Variants in SPINK9 observed in about 807,000 individuals in gnomAD.
SPINK9 encodes serine peptidase inhibitor Kazal type 9.
A neutral mutation model predicts 10.8 loss-of-function variants in SPINK9; 3 were observed. The observed-to-expected ratio is 0.28, with a 90% CI of 0.13 to 0.72. The LOEUF is 0.72. Among genes scored for constraint, SPINK9 ranks in the 30% least tolerant of loss-of-function variants. The pLI is 0.74. For synonymous variants in SPINK9, 30 were observed against 31.2 expected (o/e 0.96, Z 0.12); for missense variants, 101 against 103.2 (o/e 0.98, Z 0.09).
chr5:148,322,472 C>G (rs559889416), intron 1 of SPINK9, among the ~76,000 whole-genome samples: 1 of 152,282 alleles, frequency 6.6e-6, no homozygotes, highest in South Asian at 2.1e-4. Flanking sequence ...GATGGAAACA[C>G]TGAGCTCCAA....
At chr5:148,326,119 A>C (rs369483435) in intron 2 of SPINK9, among the ~76,000 whole-genome samples, 1 of 152,214 alleles carries the variant, frequency 6.6e-6, no homozygotes, top group African/African-American at 2.4e-5. Context: ...GAAGACATAC[A>C]AATGGTCAAC....
In SPINK9 at chr5:148,324,936, C is replaced by A. The variant is rs961047120; in HGVS notation, c.118+1068C>A. ...TTCCCTTAGCAGTCACTCCTATCTA[C>A]CCCCCTACTATCCTCCCAACCCCTG... On this transcript the variant is annotated intron_variant, in intron 2 of 4. Coordinates refer to the SPINK9 transcript ENST00000511717. Among the ~76,000 whole-genome samples, 3 of 152,106 alleles carry A rather than the reference C, an allele frequency of 2.0e-5. No individual in the cohort carries two copies. The East Asian group carries it at 5.8e-4, about 29-fold the overall frequency.
intron 1 of SPINK9, among the ~76,000 whole-genome samples, chr5:148,321,728 T>C (rs1447213610): frequency 6.6e-6 from 1 of 152,180 alleles, no homozygotes; most frequent in East Asian, 1.9e-4. Context: ...AAATCAGTTT[T>C]GAGAAAGCAT....
chr5:148,323,802 A>C (rs748496910), exon 2 of SPINK9: 1 of 701,504 alleles, frequency 1.4e-6, no homozygotes. Flanking sequence ...AACTCCACCA[A>C]GCAGCTCAGG....
chr5:148,328,015 T>G (rs202118622), intron 2 of SPINK9, among the ~76,000 whole-genome samples: 3,390 of 151,698 alleles, frequency 0.022, 128 homozygotes, highest in East Asian at 0.17. Flanking sequence ...ATATGAACTT[T>G]AAAGTAGTTT....
At chr5:148,335,524 G>T, upstream of SPINK9, 1 of 1,188,216 alleles carries the variant, frequency 8.4e-7, no homozygotes. Context: ...AGGAATTCTT[G>T]AAAATATATA....
rs1581191830 is a variant in SPINK9 at position 148,339,767 on chromosome 5, T to C, written c.*55T>C. 2.8e-6 allele frequency: 4 copies of C among 1,454,072 alleles called. No individual in the cohort carries two copies. In the African/African-American group the frequency reaches 4.2e-5, roughly 15 times the overall value. The allele number at this position is 1,454,072 out of a possible 1,614,324, so 90.1% of individuals were successfully genotyped here. A position where few individuals can be genotyped will look rare whatever the true frequency, so the allele number is the denominator to read the frequency against. On this transcript the variant is annotated 3_prime_UTR_variant, in exon 4 of 4. Transcript: ENST00000377906. ...AATGCATCTATTCACAAGAGTCACA[T>C]TTCTGTTCCCATATTATCTATGCCA...
intron 2 of SPINK9, among the ~76,000 whole-genome samples, chr5:148,324,676 T>C (rs1355815609): frequency 6.6e-6 from 1 of 151,944 alleles, no homozygotes; most frequent in African/African-American, 2.4e-5. Context: ...TGAAGAAGAC[T>C]GAAGAACATG....
chr5:148,337,276 C>A (rs1453280894), intron 2 of SPINK9, among the ~76,000 whole-genome samples: 1 of 152,144 alleles, frequency 6.6e-6, no homozygotes, highest in Non-Finnish European at 1.5e-5. Context: ...ATATACTTAT[C>A]ATCAGGCACT....
intron 2 of SPINK9, among the ~76,000 whole-genome samples, chr5:148,324,117 C>G (rs1757029624): frequency 1.3e-5 from 2 of 152,112 alleles, no homozygotes; most frequent in South Asian, 4.1e-4. Flanking sequence ...TTGCAACATG[C>G]ATGGCATATT....
At chr5:148,321,443 T>G (rs1756998382) in intron 1 of SPINK9, 1 of 151,584 alleles carries the variant, frequency 6.6e-6, no homozygotes, top group Non-Finnish European at 1.5e-5. Context: ...AACATTTTAA[T>G]GAGAATTTCT....
At chr5:148,326,059 A>G (rs765762627) in intron 2 of SPINK9, among the ~76,000 whole-genome samples, 1 of 152,166 alleles carries the variant, frequency 6.6e-6, no homozygotes, top group African/African-American at 2.4e-5. Context: ...ATTCAGTGAC[A>G]AAAAAACTAT....
intron 2 of SPINK9, among the ~76,000 whole-genome samples, chr5:148,330,496 T>G (rs6580544): frequency 3.3e-5 from 5 of 151,940 alleles, no homozygotes; most frequent in African/African-American, 1.2e-4. Context: ...GAGTATTTAG[T>G]CCATTTACAT....
At chr5:148,336,557 T>C (rs1483454024) in intron 2 of SPINK9, 104 bp downstream of exon 2, 2 of 1,252,956 alleles carry the variant, frequency 1.6e-6, no homozygotes, top group Non-Finnish European at 2.3e-6. Context: ...GAATATTTAC[T>C]TTATGTGTAT....
intron 2 of SPINK9, among the ~76,000 whole-genome samples, chr5:148,325,693 T>G (rs1487077759): frequency 6.6e-6 from 1 of 152,194 alleles, no homozygotes; most frequent in East Asian, 1.9e-4. Flanking sequence ...TCTCTCATTC[T>G]GTGAGCTGTC....
chr5:148,327,698 G>A (rs1325391284), intron 2 of SPINK9, among the ~76,000 whole-genome samples: 1 of 151,138 alleles, frequency 6.6e-6, no homozygotes, highest in African/African-American at 2.4e-5. Flanking sequence ...TGTAAGGAAG[G>A]GATCCAGTTT....
Position 148,327,595 on chromosome 5 carries a change from A to G in SPINK9, c.118+3727A>G, listed in dbSNP as rs942302312. Among the ~76,000 whole-genome samples, 8 of 152,076 alleles carry G rather than the reference A, an allele frequency of 5.3e-5. 1 individual carries two copies. The highest frequency in any genetic ancestry group is 5.2e-4 in the Admixed American group (8 of 15,274). ...AGTCCTTGCCCATGCCTATGTCCTG[A>G]ATGGTATTGCCTAGGTTTTCTTCTA... On this transcript the variant is annotated intron_variant, in intron 2 of 4. Transcript: ENST00000511717.
chr5:148,323,408 A>C (rs1447850659), intron 1 of SPINK9, among the ~76,000 whole-genome samples: 1 of 152,212 alleles, frequency 6.6e-6, no homozygotes, highest in African/African-American at 2.4e-5. Context: ...ATTATTAAGA[A>C]TTATGATGGC....
intron 2 of SPINK9, chr5:148,323,900 A>T (rs921310718): frequency 1.5e-5 from 10 of 680,294 alleles, no homozygotes; most frequent in Non-Finnish European, 2.7e-5. Flanking sequence ...TTTAATGTGT[A>T]TCTAAAGTAT....
Sources: gnomAD v4.1 joint callset for allele counts (sites outside exome capture counted in the v4.1 genomes callset) on GRCh38, gnomAD v4.1.1 for gene constraint, MANE v1.5 for transcripts, NCBI Gene and HGNC (gene_info 2026-07-23, HGNC 2026-07-21) for gene names.